Variants in TTC3 observed in about 807,000 individuals in gnomAD.
The protein encoded by TTC3 is tetratricopeptide repeat domain 3, also known as E3 ubiquitin-protein ligase TTC3.
Under a neutral mutation model 249.6 loss-of-function variants are expected in TTC3, and 180 were observed. That is an observed-to-expected ratio of 0.72 (90% CI 0.64 to 0.82). The LOEUF (loss-of-function observed/expected upper bound fraction) is 0.82. Ranked by LOEUF, TTC3 falls within the 40% of genes least tolerant of loss-of-function variation. The pLI is 0.00. For missense variants in TTC3, 2,061 were observed against 2,398.4 expected, an observed-to-expected ratio of 0.86 and a Z score of 2.94; for synonymous variants, 717 against 805.0, an observed-to-expected ratio of 0.89 and a Z score of 1.85.
chr21:37,197,737 T>C (rs765753928), intron 43 of TTC3, 41 bp downstream of exon 43: 4 of 1,450,770 alleles, frequency 2.8e-6, no homozygotes, highest in Non-Finnish European at 2.8e-6. Flanking sequence ...TATTTATTTA[T>C]AAAATATGAG....
At chr21:37,103,446 A>G (rs2074724208) in intron 10 of TTC3, among the ~76,000 whole-genome samples, 1 of 152,158 alleles carries the variant, frequency 6.6e-6, no homozygotes, top group African/African-American at 2.4e-5. Flanking sequence ...AAACCTGATT[A>G]TTTAGACCCT....
intron 31 of TTC3, 22 bp from the exon 32 acceptor site, chr21:37,164,029 G>GT (rs1253699531): frequency 6.3e-7 from 1 of 1,589,758 alleles, no homozygotes; most frequent in African/African-American, 1.4e-5. Context: ...AAAATTGGGT[G>GT]TTTTTTGTTG....
At chr21:37,098,039 C>T in intron 10 of TTC3, 1 of 669,028 alleles carries the variant, frequency 1.5e-6, no homozygotes, top group South Asian at 1.7e-5. Flanking sequence ...TTTTAGATGG[C>T]TTAAGCCGTG....
intron 11 of TTC3, among the ~76,000 whole-genome samples, chr21:37,117,835 C>CAAAAAAAAAA (rs60664616): frequency 1.4e-5 from 1 of 73,442 alleles, no homozygotes; most frequent in African/African-American, 4.3e-5. Context: ...TGCGCCACTT[C>CAAAAAAAAAA]AAAAAAAAAA....
intron 7 of TTC3, among the ~76,000 whole-genome samples, chr21:37,092,489 A>G (rs1319383679): frequency 3.9e-5 from 6 of 151,986 alleles, no homozygotes; most frequent in East Asian, 1.9e-4. Flanking sequence ...TTTACATTCT[A>G]TTTTCTTTAT....
intron 40 of TTC3, among the ~76,000 whole-genome samples, chr21:37,191,809 G>C (rs758513079): frequency 6.6e-6 from 1 of 152,200 alleles, no homozygotes; most frequent in Middle Eastern, 3.4e-3. Context: ...GGCTGGTGTC[G>C]ATCTCCTGAC....
intron 10 of TTC3, among the ~76,000 whole-genome samples, chr21:37,103,076 A>G (rs111558447): frequency 3.8e-4 from 58 of 152,312 alleles, no homozygotes; most frequent in Non-Finnish European, 7.1e-4. Context: ...TCACCATTAG[A>G]TAAATTATTA....
chr21:37,131,663 G>A (rs941653209), intron 16 of TTC3, among the ~76,000 whole-genome samples: 1 of 152,156 alleles, frequency 6.6e-6, no homozygotes, highest in Non-Finnish European at 1.5e-5. Flanking sequence ...CACCCCACTT[G>A]CAGCTGAAGT....
At chr21:37,191,699 C>T (rs538368116) in intron 40 of TTC3, among the ~76,000 whole-genome samples, 1 of 152,264 alleles carries the variant, frequency 6.6e-6, no homozygotes, top group South Asian at 2.1e-4. Flanking sequence ...CTGCCTCAGC[C>T]CCCCAAGTAG....
At chr21:37,177,401 A>T (rs2082373753) in intron 35 of TTC3, among the ~76,000 whole-genome samples, 1 of 152,206 alleles carries the variant, frequency 6.6e-6, no homozygotes, top group Admixed American at 6.5e-5. Context: ...GCAAGGTCAC[A>T]TGATAAATGG....
At chr21:37,158,101 A>T (rs1298067377) in intron 28 of TTC3, 20 of 984,902 alleles carry the variant, frequency 2.0e-5, no homozygotes, top group Non-Finnish European at 2.4e-5. Flanking sequence ...AAAAGAGCAC[A>T]CTCAAATACA....
At chr21:37,148,459 GCT>G in intron 22 of TTC3, 85 bp from the exon 23 acceptor site, 1 of 573,402 alleles carries the variant, frequency 1.7e-6, no homozygotes, top group Admixed American at 3.2e-5. Context: ...TGTTAGTCAA[GCT>G]CTCTCTGTCT....
At chr21:37,141,469 T>G (rs1439080060) in intron 20 of TTC3, among the ~76,000 whole-genome samples, 1 of 151,930 alleles carries the variant, frequency 6.6e-6, no homozygotes, top group Non-Finnish European at 1.5e-5. Context: ...TTTTTTTAAA[T>G]TAAAGAAAGT....
intron 1 of TTC3, among the ~76,000 whole-genome samples, chr21:37,075,756 A>G (rs558889377): frequency 6.6e-6 from 1 of 152,346 alleles, no homozygotes; most frequent in Admixed American, 6.5e-5. Context: ...ATTAATTCCA[A>G]TGAACATTTG....
intron 39 of TTC3, among the ~76,000 whole-genome samples, chr21:37,188,978 G>T (rs1157918457): frequency 1.3e-5 from 2 of 152,182 alleles, no homozygotes; most frequent in Non-Finnish European, 2.9e-5. Flanking sequence ...TGCTGTGCTG[G>T]AACAGTGGAG....
At chr21:37,130,209 A>AT (rs1601651630) in intron 16 of TTC3, among the ~76,000 whole-genome samples, 1 of 152,234 alleles carries the variant, frequency 6.6e-6, no homozygotes, top group East Asian at 1.9e-4. Flanking sequence ...AAAAATGACC[A>AT]TTTTTGGATG....
At chr21:37,123,054 G>A (rs995825859) in intron 13 of TTC3, 26 bp downstream of exon 13, 2 of 1,610,580 alleles carry the variant, frequency 1.2e-6, no homozygotes, top group Non-Finnish European at 1.7e-6. Context: ...GTCAGTAGCT[G>A]CTACTACTAG....
At chr21:37,088,910 C>G (rs770804542) in intron 5 of TTC3, 24 bp downstream of exon 5, 2 of 1,600,178 alleles carry the variant, frequency 1.2e-6, no homozygotes, top group East Asian at 2.2e-5. Context: ...TGTAGGTTCC[C>G]CCGAGCCCTT....
At chr21:37,086,422 C>T (rs1249073451) in intron 1 of TTC3, 1 of 147,536 alleles carries the variant, frequency 6.8e-6, no homozygotes, top group Non-Finnish European at 1.5e-5. Flanking sequence ...CTATAAAAAT[C>T]CTTATTATTG....
Sources: gnomAD v4.1 joint callset for allele counts (sites outside exome capture counted in the v4.1 genomes callset) on GRCh38, gnomAD v4.1.1 for gene constraint, MANE v1.5 for transcripts, NCBI Gene and HGNC (gene_info 2026-07-23, HGNC 2026-07-21) for gene names.